Variants in TNFSF4 observed in about 807,000 individuals in gnomAD.
TNFSF4 encodes TNF superfamily member 4, also known as tumor necrosis factor ligand superfamily member 4.
Under a neutral mutation model 7.3 loss-of-function variants are expected in TNFSF4, and 4 were observed. That is an observed-to-expected ratio of 0.55 (90% confidence interval 0.27 to 1.25). The LOEUF (loss-of-function observed/expected upper bound fraction) is 1.25. Among genes scored for constraint, TNFSF4 ranks in the 50% most tolerant of loss-of-function variants. TNFSF4 has a pLI of 0.12. For missense variants in TNFSF4, 181 were observed against 208.8 expected (o/e 0.87, Z 0.82); for synonymous variants, 76 against 83.7 (o/e 0.91, Z 0.50).
At chr1:173,181,678 C>CT (rs1649057141), downstream of TNFSF4, among the ~76,000 whole-genome samples, 2 of 152,194 alleles carry the variant, frequency 1.3e-5, no homozygotes, top group Admixed American at 1.3e-4. Flanking sequence ...TCCCCAGGCC[C>CT]TTAGTCGGAA....
At chr1:173,349,267 A>T in the TNFSF4 span, among the ~76,000 whole-genome samples, 1 of 152,070 alleles carries the variant, frequency 6.6e-6, no homozygotes, top group Admixed American at 6.6e-5. Context: ...CGACCTCATG[A>T]TCTGCCCGCC....
At chr1:173,211,313 G>A (rs1349765638), upstream of TNFSF4, among the ~76,000 whole-genome samples, 2 of 152,180 alleles carry the variant, frequency 1.3e-5, no homozygotes, top group African/African-American at 4.8e-5. Flanking sequence ...ACCTATTCCT[G>A]ATCCTAATGT....
chr1:173,178,578 TA>T, the TNFSF4 span, among the ~76,000 whole-genome samples: 1 of 151,982 alleles, frequency 6.6e-6, no homozygotes, highest in Non-Finnish European at 1.5e-5. Flanking sequence ...CGTCTCAAAA[TA>T]AAAAAATTTA....
the TNFSF4 span, among the ~76,000 whole-genome samples, chr1:173,437,615 C>CT: frequency 6.6e-6 from 1 of 151,986 alleles, no homozygotes; most frequent in Non-Finnish European, 1.5e-5. Flanking sequence ...TCTATTGTTA[C>CT]TTTTTCCCAA....
At chr1:173,267,899 AGGAG>A in the TNFSF4 span, among the ~76,000 whole-genome samples, 3 of 137,134 alleles carry the variant, frequency 2.2e-5, no homozygotes, top group African/African-American at 7.9e-5. Context: ...AGCAGAGGAG[AGGAG>A]AGGAAAGAGA....
chr1:173,322,316 A>C, the TNFSF4 span, among the ~76,000 whole-genome samples: 1 of 151,998 alleles, frequency 6.6e-6, no homozygotes, highest in African/African-American at 2.4e-5. Context: ...CCCCATGTGC[A>C]TTAGCTGTAA....
chr1:173,316,898 T>G, the TNFSF4 span, among the ~76,000 whole-genome samples: 1 of 152,196 alleles, frequency 6.6e-6, no homozygotes, highest in Non-Finnish European at 1.5e-5. Flanking sequence ...GTTTTACCTT[T>G]AACCTTTAAG....
At chr1:173,296,073 T>C in the TNFSF4 span, among the ~76,000 whole-genome samples, 1 of 152,012 alleles carries the variant, frequency 6.6e-6, no homozygotes, top group African/African-American at 2.4e-5. Context: ...ACATTCCTAT[T>C]AAATGGAGAA....
At chr1:173,209,899 A>G (rs1483816067), upstream of TNFSF4, among the ~76,000 whole-genome samples, 1 of 152,208 alleles carries the variant, frequency 6.6e-6, no homozygotes, top group Non-Finnish European at 1.5e-5. Flanking sequence ...AATAAACCAA[A>G]GTAATTATCT....
At chr1:173,334,433 G>C in the TNFSF4 span, among the ~76,000 whole-genome samples, 1 of 152,204 alleles carries the variant, frequency 6.6e-6, no homozygotes, top group Non-Finnish European at 1.5e-5. Flanking sequence ...TAAGTTCTCT[G>C]CTTAAACTGT....
chr1:173,375,317 C>G, the TNFSF4 span, among the ~76,000 whole-genome samples: 1 of 152,184 alleles, frequency 6.6e-6, no homozygotes, highest in Non-Finnish European at 1.5e-5. Context: ...CTGGAGGATG[C>G]TACAACTGCA....
chr1:173,188,805 C>G (rs576216178), intron 1 of TNFSF4, among the ~76,000 whole-genome samples: 2 of 152,248 alleles, frequency 1.3e-5, no homozygotes, highest in East Asian at 3.9e-4. Context: ...CTCCGCCTCC[C>G]TGGGCTCAGT....
the TNFSF4 span, among the ~76,000 whole-genome samples, chr1:173,385,070 T>C: frequency 2.0e-5 from 3 of 152,332 alleles, no homozygotes; most frequent in South Asian, 6.2e-4. Context: ...CTGGGATAAA[T>C]GACTCTGTGG....
At chr1:173,274,194 A>C in the TNFSF4 span, among the ~76,000 whole-genome samples, 1 of 151,780 alleles carries the variant, frequency 6.6e-6, no homozygotes, top group South Asian at 2.1e-4. Context: ...TCTTTTCAAA[A>C]TAGAATCATA....
the TNFSF4 span, among the ~76,000 whole-genome samples, chr1:173,325,743 C>T: frequency 6.8e-4 from 104 of 152,260 alleles, no homozygotes; most frequent in South Asian, 1.9e-3. Flanking sequence ...AATGCCTCTA[C>T]GCAAAGAAAC....
chr1:173,376,374 G>T, the TNFSF4 span, among the ~76,000 whole-genome samples: 1 of 152,166 alleles, frequency 6.6e-6, no homozygotes, highest in East Asian at 1.9e-4. Flanking sequence ...CCACCCAAAG[G>T]TGGGAGTTGA....
chr1:173,194,659 G>A (rs1277753734), intron 1 of TNFSF4, among the ~76,000 whole-genome samples: 1 of 151,950 alleles, frequency 6.6e-6, no homozygotes, highest in Non-Finnish European at 1.5e-5. Flanking sequence ...AAAGCAGGCC[G>A]ATCACTTGCA....
chr1:173,273,430 T>A, the TNFSF4 span, among the ~76,000 whole-genome samples: 1 of 152,146 alleles, frequency 6.6e-6, no homozygotes, highest in African/African-American at 2.4e-5. Flanking sequence ...GTGCAAAAAA[T>A]TTTTGAAATA....
chr1:173,415,065 C>A, the TNFSF4 span, among the ~76,000 whole-genome samples: 1 of 152,214 alleles, frequency 6.6e-6, no homozygotes, highest in Non-Finnish European at 1.5e-5. Flanking sequence ...ACTCCCCCAG[C>A]GTGCTGATTG....
Sources: gnomAD v4.1 joint callset for allele counts (sites outside exome capture counted in the v4.1 genomes callset) on GRCh38, gnomAD v4.1.1 for gene constraint, MANE v1.5 for transcripts, NCBI Gene and HGNC (gene_info 2026-07-23, HGNC 2026-07-21) for gene names.